The following NCLN variants were observed in gnomAD, a reference collection of about 807,000 sequenced individuals.
The protein encoded by NCLN is BOS complex subunit NCLN.
Under a neutral mutation model 69.5 loss-of-function variants are expected in NCLN, and 34 were observed. That is an observed-to-expected ratio of 0.49 (90% CI 0.37 to 0.65). NCLN has a LOEUF of 0.65. Ranked by LOEUF, NCLN falls within the 30% of genes least tolerant of loss-of-function variation. The pLI is 0.00. For missense variants in NCLN, 710 were observed against 804.8 expected, an observed-to-expected ratio of 0.88 and a Z score of 1.42; for synonymous variants, 393 against 358.3, an observed-to-expected ratio of 1.10 and a Z score of -1.09.
At chr19:3,195,516 T>G (rs1306948101) in intron 3 of NCLN, among the ~76,000 whole-genome samples, 1 of 152,194 alleles carries the variant, frequency 6.6e-6, no homozygotes, top group African/African-American at 2.4e-5. Context: ...CCCAAAGTGC[T>G]GGTATTCCAG....
chr19:3,196,402 T>A, intron 4 of NCLN, 125 bp downstream of exon 4: 1 of 687,462 alleles, frequency 1.5e-6, no homozygotes, highest in Non-Finnish European at 2.4e-6. Context: ...ATCGCCCCCC[T>A]GCCTGGCTGA....
Position 3,193,414 on chromosome 19 carries a change from C to T in NCLN, c.506C>T (p.Ala169Val), listed in dbSNP as rs1303091178. The change falls in exon 3 of 15, where the codon GCC becomes GTC. Residue 169 changes from alanine to valine, a missense_variant. Transcript: ENST00000246117. ...GCTGCCTCCGCCTCCCAGGGCTCCG[C>T]CTCTGCTGCTGAAGGTGTGCTCTGG... ...TQAASASQGS[A>V]SAAEVLLRTA... The T allele has an allele frequency of 5.6e-6, 9 of 1,605,888 alleles. No individual in the cohort carries two copies. Among genetic ancestry groups the T allele is most frequent in the Non-Finnish European group, 7.6e-6 (9 of 1,178,868 alleles).
Position 3,206,443 on chromosome 19 carries a change from C to T in NCLN, c.1499+18C>T, listed in dbSNP as rs369198723. ...GACAAGCGGTGAGGCTGGGGCTCCG[C>T]GCTGGCCCCGTTCAGCCTGGGGCCG... On this transcript the variant is annotated intron_variant, in intron 12 of 14. Coordinates refer to ENST00000246117, the MANE Select transcript of NCLN (RefSeq NM_020170.4). 135 of 1,540,752 alleles carry T rather than the reference C, an allele frequency of 8.8e-5. No individual in the cohort carries two copies. In the African/African-American group the frequency reaches 1.3e-3, roughly 15 times the overall value.
At chr19:3,206,100 C>A in intron 10 of NCLN, 52 bp from the exon 11 acceptor site, 1 of 1,561,894 alleles carries the variant, frequency 6.4e-7, no homozygotes, top group East Asian at 2.4e-5. Context: ...CCCCTGGCCC[C>A]AGCCCCACTG....
intron 9 of NCLN, 129 bp downstream of exon 9, chr19:3,204,880 G>C: frequency 7.7e-6 from 8 of 1,037,582 alleles, no homozygotes; most frequent in Non-Finnish European, 7.7e-6. Flanking sequence ...GGAAGGGGCC[G>C]GTGCGTGGCC....
At chr19:3,197,215 C>T (rs759361892) in intron 4 of NCLN, among the ~76,000 whole-genome samples, 2 of 152,226 alleles carry the variant, frequency 1.3e-5, no homozygotes, top group African/African-American at 2.4e-5. Context: ...GTGGCACAGG[C>T]GCTGGGCTCC....
chr19:3,201,077 C>T (rs538528497), intron 5 of NCLN, among the ~76,000 whole-genome samples: 3 of 152,348 alleles, frequency 2.0e-5, no homozygotes, highest in South Asian at 2.1e-4. Flanking sequence ...TCGGGCTGTG[C>T]AGGTCTCTCC....
chr19:3,204,101 G>A lies in NCLN; in HGVS notation c.986G>A (p.Arg329Gln), dbSNP rs758762079. 9 of 1,532,104 alleles carry A rather than the reference G, an allele frequency of 5.9e-6. No homozygotes were observed. Among genetic ancestry groups the A allele is most frequent in the East Asian group, 2.3e-5 (1 of 43,828 alleles). The allele number at this position is 1,532,104 out of a possible 1,614,324, so 94.9% of individuals were successfully genotyped here. The stretch of plus-strand genomic sequence containing the variant: ...CACCTGCACGTGTCCAAGCCGCCTC[G>A]GGAGGGCACCCTGCAGCACGCCTTC... Reference protein sequence around the residue: ...SLHLHVSKPPREGTLQHAFLR... With the variant: ...SLHLHVSKPPQEGTLQHAFLR... The change falls in exon 8 of 15, where the codon CGG becomes CAG. Residue 329 changes from arginine to glutamine, a missense_variant. Arg to Gln is a conservative substitution (Grantham distance 43). Coordinates refer to ENST00000246117, the MANE Select transcript of NCLN (RefSeq NM_020170.4).
chr19:3,206,706 G>A (rs1412304485), intron 12 of NCLN, among the ~76,000 whole-genome samples: 1 of 152,188 alleles, frequency 6.6e-6, no homozygotes, highest in Non-Finnish European at 1.5e-5. Flanking sequence ...TGTGGCAGTG[G>A]GCACCTGTAA....
At chr19:3,191,848 T>C (rs1185445755) in intron 1 of NCLN, among the ~76,000 whole-genome samples, 1 of 151,810 alleles carries the variant, frequency 6.6e-6, no homozygotes, top group Non-Finnish European at 1.5e-5. Context: ...TAGACTTCGG[T>C]GTGGGGTGGG....
At chr19:3,195,881 G>T (rs375849779) in intron 3 of NCLN, among the ~76,000 whole-genome samples, 12 of 152,352 alleles carry the variant, frequency 7.9e-5, no homozygotes, top group African/African-American at 2.9e-4. Context: ...TTTCGGGCAG[G>T]TCCTGGCCCT....
At chr19:3,192,413 C>T in intron 1 of NCLN, 57 bp from the exon 2 acceptor site, 1 of 1,435,502 alleles carries the variant, frequency 7.0e-7, no homozygotes, top group Non-Finnish European at 9.3e-7. Context: ...TGGATCTGTC[C>T]CCTCCCGTCG....
At chr19:3,198,623 C>G (rs958754174) in intron 4 of NCLN, among the ~76,000 whole-genome samples, 194 bp from the exon 5 acceptor site, 42 of 152,148 alleles carry the variant, frequency 2.8e-4, no homozygotes, top group African/African-American at 9.4e-4. Context: ...CCCGGCTCTA[C>G]CTCCTCCCTG....
Position 3,199,311 on chromosome 19 carries a change from C to T in NCLN, c.696+414C>T, listed in dbSNP as rs1916060942. Among the ~76,000 whole-genome samples, 7 of 152,376 alleles carry T rather than the reference C, an allele frequency of 4.6e-5. No homozygotes were observed. The South Asian group carries it at 1.4e-3, about 32-fold the overall frequency. ...AGTTGGGGAGGCCAGTCCTGGCTTC[C>T]AGGCCCTCTCCCTGTGTGTCACGTG... On this transcript the variant is annotated intron_variant, in intron 5 of 14. Coordinates refer to ENST00000246117, the MANE Select transcript of NCLN (RefSeq NM_020170.4).
At position 3,191,974 on chromosome 19, in the gene NCLN, G is replaced by A. The variant is rs151324922; in HGVS notation, c.185-496G>A. On this transcript the variant is annotated intron_variant, in intron 1 of 14. Transcript: ENST00000246117. ...GAGGCCAAGGTGCGAGTATCACCTGGGGTCGGGAGTTTGAGACCAGCCTGG... is the reference window on the plus strand; with the variant it reads ...GAGGCCAAGGTGCGAGTATCACCTGAGGTCGGGAGTTTGAGACCAGCCTGG... Among the ~76,000 whole-genome samples the A allele has an allele frequency of 7.2e-3, 1,091 of 152,218 alleles. 12 individuals are homozygous for A. Among genetic ancestry groups the A allele is most frequent in the African/African-American group, 0.025 (1,050 of 41,522 alleles).
chr19:3,196,138 G>A (rs1040032763), intron 3 of NCLN, 45 bp from the exon 4 acceptor site: 5 of 1,424,402 alleles, frequency 3.5e-6, no homozygotes, highest in Non-Finnish European at 3.8e-6. Context: ...CCCTGGCTGG[G>A]GCCCTGGCTG....
In NCLN at chr19:3,206,339, G is replaced by T; in HGVS notation, c.1413G>T (p.Lys471Asn). ...CGCGGGCCGCGCAGCTGGTGGACAA[G>T]GACAGCACCTTCCTCAGCACGCTGG... ...NQPRAAQLVDKDSTFLSTLEH... is the reference protein window; with the variant it reads ...NQPRAAQLVDNDSTFLSTLEH... The change falls in exon 12 of 15, where the codon AAG becomes AAT. Residue 471 changes from lysine to asparagine, a missense_variant. By Grantham distance (94) the Lys-to-Asn change is moderately conservative. Transcript: ENST00000246117. The T allele has an allele frequency of 6.5e-7, 1 of 1,548,346 alleles. No individual in the cohort carries two copies. Among genetic ancestry groups the T allele is most frequent in the Non-Finnish European group, 8.7e-7 (1 of 1,146,942 alleles).
intron 1 of NCLN, among the ~76,000 whole-genome samples, chr19:3,186,855 A>T (rs1009556373): frequency 1.4e-5 from 2 of 146,126 alleles, no homozygotes; most frequent in African/African-American, 5.2e-5. Flanking sequence ...TCCAGTGCCC[A>T]AATTCAACTC....
intron 5 of NCLN, among the ~76,000 whole-genome samples, chr19:3,201,028 G>T (rs1264480948): frequency 6.6e-6 from 1 of 152,206 alleles, no homozygotes; most frequent in East Asian, 1.9e-4. Context: ...TGCTGCTTTA[G>T]ATCACAAAGG....
Sources: allele counts gnomAD v4.1 joint callset (sites outside exome capture counted in the v4.1 genomes callset), GRCh38; gene constraint gnomAD v4.1.1; transcripts MANE v1.5; gene names NCBI Gene and HGNC (gene_info 2026-07-23, HGNC 2026-07-21).